The following OLFML1 variants were observed in gnomAD, a reference collection of about 807,000 sequenced individuals.
OLFML1 encodes the protein olfactomedin like 1.
Under a neutral mutation model 37.3 loss-of-function variants are expected in OLFML1, and 33 were observed. The ratio of observed to expected loss-of-function variants is 0.88; its 90% CI spans 0.67 to 1.18. OLFML1 has a LOEUF of 1.18. Ranked by LOEUF, OLFML1 falls within the 50% of genes most tolerant of loss-of-function variation. OLFML1 has a pLI of 0.00. For missense variants in OLFML1, 545 were observed against 483.7 expected, an observed-to-expected ratio of 1.13 and a Z score of -1.19; for synonymous variants, 186 against 181.3, an observed-to-expected ratio of 1.03 and a Z score of -0.21.
At chr11:7,504,147 A>C (rs549207508) in intron 2 of OLFML1, among the ~76,000 whole-genome samples, 55 of 152,252 alleles carry the variant, frequency 3.6e-4, no homozygotes, top group African/African-American at 1.3e-3. Flanking sequence ...CTAAATGACC[A>C]AGGACCATTT....
At chr11:7,495,742 C>T (rs1405043854) in intron 2 of OLFML1, among the ~76,000 whole-genome samples, 1 of 152,158 alleles carries the variant, frequency 6.6e-6, no homozygotes, top group Non-Finnish European at 1.5e-5. Context: ...TAGCATTCAG[C>T]CCTTAAATCT....
At chr11:7,491,481 A>G (rs1185624352) in intron 2 of OLFML1, among the ~76,000 whole-genome samples, 1 of 120,826 alleles carries the variant, frequency 8.3e-6, no homozygotes, top group African/African-American at 3.4e-5. Context: ...TTAGGGGAAG[A>G]CAAACCTAGA....
chr11:7,509,694 T>C lies in OLFML1; in HGVS notation c.715T>C (p.Tyr239His). The change falls in exon 3 of 3, where the codon TAT becomes CAT. Residue 239 changes from tyrosine (Y) to histidine (H), a missense_variant. By Grantham distance (83) the Tyr-to-His change is moderately conservative. Coordinates refer to ENST00000329293, the MANE Select transcript of OLFML1 (RefSeq NM_198474.4). The part of the protein sequence containing the change: ...NQATSNEIIK[Y>H]NLQKRTVEDR... Reference sequence around the variant, plus strand: ...AGCAACTTCTAATGAGATAATCAAATATAACCTGCAGAAGAGGACTGTGGA... The same window carrying C: ...AGCAACTTCTAATGAGATAATCAAACATAACCTGCAGAAGAGGACTGTGGA... 2 of 1,614,204 alleles carry C rather than the reference T, an allele frequency of 1.2e-6. No individual in the cohort carries two copies. Among genetic ancestry groups the C allele is most frequent in the South Asian group, 1.1e-5 (1 of 91,092 alleles).
intron 2 of OLFML1, among the ~76,000 whole-genome samples, chr11:7,492,491 A>C (rs867512420): frequency 6.6e-6 from 1 of 152,226 alleles, no homozygotes; most frequent in South Asian, 2.1e-4. Context: ...AGGAAATTCT[A>C]GTACTAATCT....
chr11:7,509,323 A>G, intron 2 of OLFML1, 75 bp from the exon 3 acceptor site: 1 of 1,134,908 alleles, frequency 8.8e-7, no homozygotes, highest in Non-Finnish European at 1.3e-6. Context: ...AGATTTACCA[A>G]GCATGGGGAG....
At chr11:7,505,310 ACT>A (rs2134185831) in intron 2 of OLFML1, among the ~76,000 whole-genome samples, 1 of 151,900 alleles carries the variant, frequency 6.6e-6, no homozygotes, top group Middle Eastern at 3.4e-3. Flanking sequence ...TCCTTTAAAG[ACT>A]CTATCTAACT....
chr11:7,497,857 T>C lies in OLFML1; in HGVS notation c.418+9442T>C, dbSNP rs565891229. ...TGTATGCCGGGCCCTGTTTAAGCCCTAACCCTGGGTTCATAGCCCTTCTGC... is the reference window on the plus strand; with the variant it reads ...TGTATGCCGGGCCCTGTTTAAGCCCCAACCCTGGGTTCATAGCCCTTCTGC... On this transcript the variant is annotated intron_variant, in intron 2 of 2. Transcript: ENST00000329293. Among the ~76,000 whole-genome samples the C allele has an allele frequency of 9.8e-5, 15 of 152,338 alleles. No individual in the cohort carries two copies. In the South Asian group the frequency reaches 3.1e-3, roughly 32 times the overall value.
At chr11:7,499,134 A>G (rs1249074560) in intron 2 of OLFML1, among the ~76,000 whole-genome samples, 1 of 152,266 alleles carries the variant, frequency 6.6e-6, no homozygotes, top group Non-Finnish European at 1.5e-5. Context: ...ATACTTATGT[A>G]TGAATTTACA....
At chr11:7,498,599 TCCTA>T (rs1406598984) in intron 2 of OLFML1, among the ~76,000 whole-genome samples, 3 of 152,228 alleles carry the variant, frequency 2.0e-5, no homozygotes, top group South Asian at 4.1e-4. Context: ...GTGCCTACCG[TCCTA>T]CCTATCATCT....
intron 1 of OLFML1, among the ~76,000 whole-genome samples, chr11:7,487,363 CTCTT>C (rs1206966248): frequency 1.3e-5 from 2 of 152,198 alleles, no homozygotes; most frequent in African/African-American, 2.4e-5. Context: ...TTTTGGGTCT[CTCTT>C]TCTGTCTTTC....
chr11:7,505,365 C>A (rs1848773787), intron 2 of OLFML1, among the ~76,000 whole-genome samples: 1 of 152,118 alleles, frequency 6.6e-6, no homozygotes, highest in Non-Finnish European at 1.5e-5. Context: ...GAGGGAGGCC[C>A]AGCATTCCTA....
At chr11:7,494,698 G>A (rs571032861) in intron 2 of OLFML1, among the ~76,000 whole-genome samples, 1 of 152,320 alleles carries the variant, frequency 6.6e-6, no homozygotes, top group African/African-American at 2.4e-5. Context: ...GGGAGGCTGA[G>A]GGGGCACAGA....
intron 2 of OLFML1, among the ~76,000 whole-genome samples, chr11:7,493,667 C>T (rs74339038): frequency 0.15 from 22,737 of 152,092 alleles, 1,811 homozygotes; most frequent in African/African-American, 0.19. Flanking sequence ...TTCAGAAAGG[C>T]CCACGTACAT....
chr11:7,485,855 C>A lies in OLFML1; in HGVS notation c.-21C>A. 6.2e-7 allele frequency: 1 copy of A among 1,610,716 alleles called. No homozygotes were observed. ...AGAAGAGCCACAGCATAAGAGACTG[C>A]CCTGCTTGGTGTTTTGCAGGATGAT... On this transcript the variant is annotated 5_prime_UTR_variant, in exon 1 of 3. Transcript: ENST00000329293.
At chr11:7,506,354 G>A (rs926565579) in intron 2 of OLFML1, among the ~76,000 whole-genome samples, 4 of 152,226 alleles carry the variant, frequency 2.6e-5, no homozygotes, top group African/African-American at 9.6e-5. Flanking sequence ...AAATGACACA[G>A]TTTCTTCTAA....
intron 2 of OLFML1, among the ~76,000 whole-genome samples, chr11:7,494,184 G>C (rs1181992327): frequency 6.6e-6 from 1 of 152,236 alleles, no homozygotes; most frequent in African/African-American, 2.4e-5. Flanking sequence ...AGGCATAATT[G>C]GGCTCAGTGT....
At chr11:7,506,300 G>A (rs747257629) in intron 2 of OLFML1, among the ~76,000 whole-genome samples, 9 of 152,192 alleles carry the variant, frequency 5.9e-5, no homozygotes, top group Non-Finnish European at 1.3e-4. Flanking sequence ...GCCAGGAAAG[G>A]ATGAGATCAC....
rs1351406524 is a variant in OLFML1, at chr11:7,485,636, G to A, written c.-240G>A. 4.1e-6 allele frequency: 2 copies of A among 482,914 alleles called. No homozygotes were observed. The highest frequency in any genetic ancestry group is 7.4e-6 in the Non-Finnish European group (2 of 268,906). The allele number at this position is 482,914 out of a possible 1,614,324, so 29.9% of individuals were successfully genotyped here. ...TGGACCCAGGGAGCTCTCTGCCACA[G>A]GTCAGTCTACAAGGCCTCAGGGACC... is the stretch of plus-strand genomic sequence containing the variant. On this transcript the variant is annotated 5_prime_UTR_variant, in exon 1 of 3. Coordinates refer to ENST00000329293, the MANE Select transcript of OLFML1 (RefSeq NM_198474.4).
Position 7,509,969 on chromosome 11 carries a change from C to A in OLFML1, c.990C>A (p.Val330=). 1 of 1,614,218 alleles carries A rather than the reference C, an allele frequency of 6.2e-7. No homozygotes were observed. The highest frequency in any genetic ancestry group is 8.5e-7 in the Non-Finnish European group (1 of 1,180,028). The part of the protein sequence containing the change: ...SFLLCGVLYV[V]YSTGGQGPHR... ...TCTTGTGTGGGGTTCTCTATGTGGT[C>A]TACAGTACTGGGGGCCAGGGCCCTC... The change falls in exon 3 of 3, where the codon GTC becomes GTA. Residue 330 remains valine (V), a synonymous_variant. Transcript: ENST00000329293.
Sources: allele counts gnomAD v4.1 joint callset (sites outside exome capture counted in the v4.1 genomes callset), GRCh38; gene constraint gnomAD v4.1.1; transcripts MANE v1.5; gene names NCBI Gene and HGNC (gene_info 2026-07-23, HGNC 2026-07-21).